Variants in UNC5B observed in about 807,000 individuals in gnomAD.
UNC5B encodes the protein unc-5 netrin receptor B.
Under a neutral mutation model 103.7 loss-of-function variants are expected in UNC5B, and 56 were observed. The observed-to-expected ratio is 0.54, with a 90% CI of 0.44 to 0.67. UNC5B has a LOEUF of 0.67. UNC5B is among the 30% of genes least tolerant of loss of function. The pLI is 0.00. For synonymous variants in UNC5B, 577 were observed against 542.0 expected (o/e 1.06, Z -0.90); for missense variants, 1,194 against 1,284.5 (o/e 0.93, Z 1.08).
intron 1 of UNC5B, among the ~76,000 whole-genome samples, chr10:71,215,001 G>A (rs553732736): frequency 2.0e-5 from 3 of 152,294 alleles, no homozygotes; most frequent in Middle Eastern, 3.4e-3. Flanking sequence ...CCTGGAGAGG[G>A]GCCAACTGGT....
intron 1 of UNC5B, among the ~76,000 whole-genome samples, chr10:71,254,987 G>A (rs542834288): frequency 9.9e-5 from 15 of 152,202 alleles, no homozygotes; most frequent in African/African-American, 3.1e-4. Context: ...TTGCATATTC[G>A]TGTGTTTCCT....
chr10:71,271,938 A>C (rs915624085), intron 1 of UNC5B, among the ~76,000 whole-genome samples: 2 of 151,880 alleles, frequency 1.3e-5, no homozygotes, highest in Non-Finnish European at 2.9e-5. Context: ...GCCAGCCCCC[A>C]TTTGTCATCG....
chr10:71,215,806 GGTGTGTGTGTGTGTGT>G (rs55848098), intron 1 of UNC5B, among the ~76,000 whole-genome samples: 1,586 of 149,650 alleles, frequency 0.011, 26 homozygotes, highest in African/African-American at 0.033. Context: ...GTCTCTGCTT[GGTGTGTGTGTGTGTGT>G]GTGTGTGTGT....
At chr10:71,262,227 T>A (rs931527343) in intron 1 of UNC5B, among the ~76,000 whole-genome samples, 1 of 152,136 alleles carries the variant, frequency 6.6e-6, no homozygotes. Flanking sequence ...CTAACCAGGC[T>A]GTAATTACGG....
chr10:71,275,327 C>T (rs1157054616), intron 1 of UNC5B, among the ~76,000 whole-genome samples: 3 of 152,202 alleles, frequency 2.0e-5, no homozygotes, highest in African/African-American at 7.2e-5. Context: ...GAGGCAAGAA[C>T]TTCTAGGGGA....
At chr10:71,232,156 C>T (rs188595806) in intron 1 of UNC5B, among the ~76,000 whole-genome samples, 66 of 152,318 alleles carry the variant, frequency 4.3e-4, no homozygotes, top group African/African-American at 1.6e-3. Flanking sequence ...GGCCCATCTC[C>T]GATGACTGCC....
At chr10:71,279,534 C>T (rs1446548811) in intron 1 of UNC5B, among the ~76,000 whole-genome samples, 3 of 152,234 alleles carry the variant, frequency 2.0e-5, no homozygotes, top group Non-Finnish European at 4.4e-5. Flanking sequence ...CTCCCGGGAC[C>T]TCCTTGGCCT....
intron 1 of UNC5B, among the ~76,000 whole-genome samples, chr10:71,215,898 GCACT>G (rs1843321407): frequency 1.3e-5 from 2 of 151,924 alleles, no homozygotes; most frequent in East Asian, 3.9e-4. Flanking sequence ...GTCTCCCTCT[GCACT>G]CACTGTAGCA....
intron 1 of UNC5B, among the ~76,000 whole-genome samples, chr10:71,231,583 G>T (rs7893627): frequency 6.6e-6 from 1 of 152,020 alleles, no homozygotes; most frequent in Non-Finnish European, 1.5e-5. Context: ...CCCAGCACAC[G>T]GTGGGCCCTT....
chr10:71,280,860 C>T (rs937321328), intron 2 of UNC5B, among the ~76,000 whole-genome samples: 6 of 152,210 alleles, frequency 3.9e-5, no homozygotes, highest in Non-Finnish European at 8.8e-5. Flanking sequence ...CCCCTTCAGT[C>T]ACCTGACAGA....
chr10:71,212,930 A>G lies in UNC5B; in HGVS notation c.-56A>G. 8.1e-7 allele frequency: 1 copy of G among 1,231,776 alleles called. No homozygotes were observed. Among genetic ancestry groups the G allele is most frequent in the Non-Finnish European group, 1.0e-6 (1 of 979,796 alleles). The allele number at this position is 1,231,776 out of a possible 1,614,324, so 76.3% of individuals were successfully genotyped here. ...CGGCGGCGGAGACGGCGGCGGCGAG[A>G]CTGGGGCCAGGGAGACAGCCCTGGG... On this transcript the variant is annotated 5_prime_UTR_variant, in exon 1 of 17. Coordinates refer to ENST00000335350, the MANE Select transcript of UNC5B (RefSeq NM_170744.5).
At chr10:71,284,278 A>C (rs563282717) in intron 2 of UNC5B, among the ~76,000 whole-genome samples, 1 of 152,266 alleles carries the variant, frequency 6.6e-6, no homozygotes, top group East Asian at 1.9e-4. Flanking sequence ...ACTGATGTGC[A>C]AGGGCCCCGT....
chr10:71,296,469 A>T, intron 14 of UNC5B, 109 bp from the exon 15 acceptor site: 2 of 1,270,764 alleles, frequency 1.6e-6, no homozygotes, highest in Non-Finnish European at 2.1e-6. Flanking sequence ...ATCTGGGTGG[A>T]GAGGCCTGAA....
chr10:71,278,042 A>C (rs1179118413), intron 1 of UNC5B, among the ~76,000 whole-genome samples: 1 of 152,172 alleles, frequency 6.6e-6, no homozygotes, highest in African/African-American at 2.4e-5. Context: ...CTCAGGTTCA[A>C]ACTTTTGATC....
chr10:71,231,932 G>A (rs528649828), intron 1 of UNC5B, among the ~76,000 whole-genome samples: 2 of 152,152 alleles, frequency 1.3e-5, no homozygotes, highest in Admixed American at 6.6e-5. Context: ...TGTAGCTGAG[G>A]TAGAGGACCC....
chr10:71,255,622 C>A (rs1844273256), intron 1 of UNC5B, among the ~76,000 whole-genome samples: 1 of 152,232 alleles, frequency 6.6e-6, no homozygotes, highest in Non-Finnish European at 1.5e-5. Flanking sequence ...CCAGTCAGAT[C>A]TGGAATGAGC....
chr10:71,220,622 A>G (rs1349004128), intron 1 of UNC5B, among the ~76,000 whole-genome samples: 1 of 152,134 alleles, frequency 6.6e-6, no homozygotes, highest in East Asian at 1.9e-4. Context: ...CCATTTTCTC[A>G]TCTGTAAAAT....
At chr10:71,252,449 T>C (rs543565895) in intron 1 of UNC5B, among the ~76,000 whole-genome samples, 2 of 152,210 alleles carry the variant, frequency 1.3e-5, no homozygotes, top group South Asian at 2.1e-4. Flanking sequence ...AAATCTCTCA[T>C]TCCTCTCATC....
At chr10:71,263,626 A>C (rs4747142) in intron 1 of UNC5B, among the ~76,000 whole-genome samples, 1 of 152,170 alleles carries the variant, frequency 6.6e-6, no homozygotes, top group Non-Finnish European at 1.5e-5. Context: ...CGGCAGTGAC[A>C]GCGGCTGGGA....
Sources: gnomAD v4.1 joint callset for allele counts (sites outside exome capture counted in the v4.1 genomes callset) on GRCh38, gnomAD v4.1.1 for gene constraint, MANE v1.5 for transcripts, NCBI Gene and HGNC (gene_info 2026-07-23, HGNC 2026-07-21) for gene names.